Variants in PPIP5K2 observed in about 807,000 individuals in gnomAD.
PPIP5K2 encodes inositol hexakisphosphate and diphosphoinositol-pentakisphosphate kinase 2.
A neutral mutation model predicts 154.6 loss-of-function variants in PPIP5K2; 105 were observed. The ratio of observed to expected loss-of-function variants is 0.68; its 90% CI spans 0.58 to 0.80. PPIP5K2 has a LOEUF of 0.80. Among genes scored for constraint, PPIP5K2 ranks in the 30% least tolerant of loss-of-function variants. The pLI is 0.00. For synonymous variants in PPIP5K2, 480 were observed against 490.3 expected (o/e 0.98, Z 0.28); for missense variants, 992 against 1,504.6 (o/e 0.66, Z 5.64).
In PPIP5K2 at chr5:103,183,370, T is replaced by C; in HGVS notation, c.3059T>C (p.Leu1020Ser). Residue 1020 changes from leucine to serine, a missense_variant, in exon 25 of 31, where the codon TTG becomes TCG. This residue lies in a region of PPIP5K2 where 204 missense variants were observed against 224.0 expected (regional missense o/e 0.91). Transcript: ENST00000358359. ...ITSSPVSPKSLAFTSSIFGSW... is the reference protein window; with the variant it reads ...ITSSPVSPKSSAFTSSIFGSW... ...TCTTCCCCTGTCTCCCCCAAATCAT[T>C]GGCTTTCACATCCAGTATTTTTGGC... 1.2e-6 allele frequency: 2 copies of C among 1,611,086 alleles called. No homozygotes were observed. Among genetic ancestry groups the C allele is most frequent in the South Asian group, 2.2e-5 (2 of 90,646 alleles).
intron 1 of PPIP5K2, among the ~76,000 whole-genome samples, chr5:103,125,256 G>A (rs1197837703): frequency 2.6e-5 from 4 of 152,070 alleles, no homozygotes; most frequent in African/African-American, 9.7e-5. Context: ...CCTAGACGTT[G>A]GGATACAAGC....
chr5:103,147,779 A>G, intron 6 of PPIP5K2, 152 bp from the exon 7 acceptor site: 2 of 568,540 alleles, frequency 3.5e-6, no homozygotes, highest in Non-Finnish European at 6.3e-6. Context: ...TGCCAAGTAT[A>G]TAGTAAGTTT....
intron 1 of PPIP5K2, among the ~76,000 whole-genome samples, chr5:103,124,920 G>A (rs1011789524): frequency 3.9e-5 from 6 of 152,166 alleles, no homozygotes; most frequent in Non-Finnish European, 7.4e-5. Flanking sequence ...TTTATGTTGT[G>A]GAGGGATATA....
At chr5:103,188,994 A>G (rs1437298642) in intron 28 of PPIP5K2, 1 of 506,444 alleles carries the variant, frequency 2.0e-6, no homozygotes, top group African/African-American at 2.0e-5. Flanking sequence ...TATCTGTCCT[A>G]TGAATTGTCA....
At chr5:103,198,935 T>C (rs1802541068) in intron 30 of PPIP5K2, among the ~76,000 whole-genome samples, 1 of 151,932 alleles carries the variant, frequency 6.6e-6, no homozygotes, top group Non-Finnish European at 1.5e-5. Context: ...CTATGGACTT[T>C]TGCTGTATCT....
intron 28 of PPIP5K2, 118 bp from the exon 29 acceptor site, chr5:103,190,724 A>C (rs1371676380): frequency 3.8e-6 from 3 of 797,000 alleles, no homozygotes; most frequent in African/African-American, 1.8e-5. Flanking sequence ...GTGTGTTTGC[A>C]TGTGATAGAC....
At chr5:103,170,407 T>C (rs528988515) in intron 19 of PPIP5K2, among the ~76,000 whole-genome samples, 52 of 151,734 alleles carry the variant, frequency 3.4e-4, no homozygotes, top group African/African-American at 1.2e-3. Flanking sequence ...GAGAATTTAT[T>C]TGAAGACAAC....
intron 3 of PPIP5K2, among the ~76,000 whole-genome samples, chr5:103,135,766 A>T (rs1424212839): frequency 6.6e-6 from 1 of 152,040 alleles, no homozygotes; most frequent in Non-Finnish European, 1.5e-5. Context: ...AATCATTAAA[A>T]TTTTTTAGAT....
At chr5:103,190,240 C>G (rs1304793278) in intron 28 of PPIP5K2, among the ~76,000 whole-genome samples, 2 of 151,948 alleles carry the variant, frequency 1.3e-5, no homozygotes, top group Non-Finnish European at 2.9e-5. Context: ...CCTAACTTTA[C>G]ACAGCCAGTG....
chr5:103,201,197 A>G (rs556183499), intron 30 of PPIP5K2, among the ~76,000 whole-genome samples: 1 of 152,358 alleles, frequency 6.6e-6, no homozygotes, highest in South Asian at 2.1e-4. Context: ...GCTAAAGGAA[A>G]AGGCCCAGGC....
chr5:103,156,968 A>G (rs1795510962), intron 14 of PPIP5K2, among the ~76,000 whole-genome samples: 1 of 152,138 alleles, frequency 6.6e-6, no homozygotes, highest in Non-Finnish European at 1.5e-5. Flanking sequence ...TTTGTGGTTA[A>G]TAGTAATACA....
intron 18 of PPIP5K2, 105 bp downstream of exon 18, chr5:103,167,425 G>C: frequency 1.0e-6 from 1 of 1,001,234 alleles, no homozygotes; most frequent in Non-Finnish European, 1.4e-6. Context: ...AGCCTCTCTT[G>C]AGAGCTATGT....
chr5:103,183,507 G>A, intron 25 of PPIP5K2, 100 bp downstream of exon 25: 2 of 1,001,142 alleles, frequency 2.0e-6, no homozygotes, highest in Non-Finnish European at 2.9e-6. Context: ...TCACATCAGA[G>A]TAAATCCTTC....
intron 17 of PPIP5K2, among the ~76,000 whole-genome samples, chr5:103,160,888 T>C (rs1459599053): frequency 6.6e-6 from 1 of 152,108 alleles, no homozygotes; most frequent in Non-Finnish European, 1.5e-5. Flanking sequence ...ATTGTGACCA[T>C]GGTATACTTA....
chr5:103,125,969 A>G (rs1789604346), intron 1 of PPIP5K2, among the ~76,000 whole-genome samples: 1 of 152,072 alleles, frequency 6.6e-6, no homozygotes, highest in African/African-American at 2.4e-5. Flanking sequence ...CATCTTAGCT[A>G]CTTATCTGAC....
At chr5:103,129,154 T>A (rs1790211409) in intron 1 of PPIP5K2, among the ~76,000 whole-genome samples, 152 bp from the exon 2 acceptor site, 1 of 152,186 alleles carries the variant, frequency 6.6e-6, no homozygotes, top group African/African-American at 2.4e-5. Flanking sequence ...GCTTTTATTA[T>A]AAGTAATTTT....
At chr5:103,153,473 T>C (rs986680291) in intron 10 of PPIP5K2, among the ~76,000 whole-genome samples, 3 of 151,924 alleles carry the variant, frequency 2.0e-5, no homozygotes, top group Non-Finnish European at 4.4e-5. Context: ...GCAACCATCA[T>C]GTAAAGTTTT....
intron 23 of PPIP5K2, 36 bp from the exon 24 acceptor site, chr5:103,179,985 T>G: frequency 6.8e-7 from 1 of 1,480,978 alleles, no homozygotes; most frequent in African/African-American, 1.4e-5. Flanking sequence ...TTCTTAAATC[T>G]GAATAGTAAA....
intron 17 of PPIP5K2, among the ~76,000 whole-genome samples, chr5:103,162,715 AT>A (rs1369652708): frequency 6.6e-6 from 1 of 151,740 alleles, no homozygotes. Context: ...TTCCAAGTTC[AT>A]TTTTTTCCCC....
Sources: allele counts gnomAD v4.1 joint callset (sites outside exome capture counted in the v4.1 genomes callset), GRCh38; gene constraint gnomAD v4.1.1; regional missense constraint gnomAD v4.1.1; transcripts MANE v1.5; gene names NCBI Gene and HGNC (gene_info 2026-07-23, HGNC 2026-07-21).